Variants in SLC9C1 observed in about 807,000 individuals in gnomAD.
SLC9C1 encodes the protein sodium/hydrogen exchanger 10.
Under a neutral mutation model 140.9 loss-of-function variants are expected in SLC9C1, and 97 were observed. The ratio of observed to expected loss-of-function variants is 0.69; its 90% CI spans 0.58 to 0.82. The LOEUF (loss-of-function observed/expected upper bound fraction) is 0.82, where lower values mean the gene tolerates loss of function less well. Ranked by LOEUF, SLC9C1 falls within the 40% of genes least tolerant of loss-of-function variation. SLC9C1 has a pLI of 0.00. For synonymous variants in SLC9C1, 440 were observed against 442.6 expected (o/e 0.99, Z 0.07); for missense variants, 1,340 against 1,389.3 (o/e 0.96, Z 0.56).
intron 26 of SLC9C1, among the ~76,000 whole-genome samples, chr3:112,161,483 A>G (rs905409936): frequency 2.0e-5 from 3 of 152,142 alleles, no homozygotes; most frequent in Non-Finnish European, 4.4e-5. Flanking sequence ...TCAGCTTTCT[A>G]CATATGGCTA....
At position 112,197,431 on chromosome 3, in the gene SLC9C1, G is replaced by A. The variant is rs192621710; in HGVS notation, c.2523+1890C>T. ...TCAGAGTACAGATGCAAGATATTTA[G>A]AGAACAGGGTCTTTTATTGCCAATC... On this transcript the variant is annotated intron_variant, in intron 20 of 28. Coordinates refer to ENST00000305815, the MANE Select transcript of SLC9C1 (RefSeq NM_183061.3). Among the ~76,000 whole-genome samples, 577 of 152,250 alleles carry A rather than the reference G, an allele frequency of 3.8e-3. 1 individual carries two copies. Among genetic ancestry groups the A allele is most frequent in the Non-Finnish European group, 5.6e-3 (382 of 68,014 alleles).
At chr3:112,154,026 T>C (rs952413621) in intron 27 of SLC9C1, among the ~76,000 whole-genome samples, 2 of 152,208 alleles carry the variant, frequency 1.3e-5, no homozygotes, top group African/African-American at 4.8e-5. Context: ...CTTCAACTTA[T>C]CACAGAACTT....
intron 1 of SLC9C1, among the ~76,000 whole-genome samples, chr3:112,287,450 T>C (rs58720286): frequency 0.02 from 2,986 of 152,298 alleles, 122 homozygotes; most frequent in African/African-American, 0.068. Flanking sequence ...TATATGTGTA[T>C]ATAGCAACCA....
chr3:112,167,506 A>G (rs1398852196), intron 25 of SLC9C1, among the ~76,000 whole-genome samples, 159 bp from the exon 26 acceptor site: 1 of 152,086 alleles, frequency 6.6e-6, no homozygotes, highest in Admixed American at 6.6e-5. Context: ...AAATACTTGG[A>G]TATATTGGTT....
intron 28 of SLC9C1, among the ~76,000 whole-genome samples, chr3:112,144,566 T>G (rs1349411177): frequency 2.0e-5 from 3 of 152,232 alleles, no homozygotes; most frequent in East Asian, 3.8e-4. Context: ...ATATTGATTC[T>G]TCTAATCCAC....
At position 112,156,580 on chromosome 3, in the gene SLC9C1, A is replaced by AT. The variant is rs1342281983; in HGVS notation, c.3365-1532dup. The stretch of plus-strand genomic sequence containing the variant: ...CATATGGTAATTCTCGTTTTAGTTT[A>AT]TTTTTTTTTAAAGAAACACTGTACA... On this transcript the variant is annotated intron_variant, in intron 26 of 28. Coordinates refer to ENST00000305815, the MANE Select transcript of SLC9C1 (RefSeq NM_183061.3). Among the ~76,000 whole-genome samples, 31 of 151,092 alleles carry AT rather than the reference A, an allele frequency of 2.1e-4. 1 individual carries two copies. The highest frequency in any genetic ancestry group is 1.7e-3 in the South Asian group (8 of 4,764).
intron 23 of SLC9C1, among the ~76,000 whole-genome samples, chr3:112,177,351 T>C (rs1026208278): frequency 2.6e-5 from 4 of 151,964 alleles, no homozygotes; most frequent in African/African-American, 7.2e-5. Context: ...CTGGTAAATC[T>C]AGTTGTGTCT....
chr3:112,214,693 G>T (rs1010382948), intron 15 of SLC9C1, among the ~76,000 whole-genome samples: 1 of 152,134 alleles, frequency 6.6e-6, no homozygotes, highest in Admixed American at 6.5e-5. Flanking sequence ...CCAATAACAG[G>T]CTCTGAAATT....
chr3:112,265,610 A>C (rs2079897482), intron 8 of SLC9C1, among the ~76,000 whole-genome samples: 1 of 152,116 alleles, frequency 6.6e-6, no homozygotes, highest in Non-Finnish European at 1.5e-5. Flanking sequence ...TTTCCACCCT[A>C]TGTATTGAAG....
At chr3:112,181,071 T>A (rs1037332889) in intron 21 of SLC9C1, among the ~76,000 whole-genome samples, 5 of 152,220 alleles carry the variant, frequency 3.3e-5, no homozygotes, top group Non-Finnish European at 5.9e-5. Flanking sequence ...TTTGCATTTT[T>A]AAAAAAAGTT....
At chr3:112,152,839 A>G (rs1244142014) in intron 27 of SLC9C1, among the ~76,000 whole-genome samples, 1 of 152,326 alleles carries the variant, frequency 6.6e-6, no homozygotes, top group East Asian at 1.9e-4. Context: ...GAGTCAATAC[A>G]GCACGTGTTT....
At chr3:112,246,172 C>T (rs539971511) in intron 10 of SLC9C1, among the ~76,000 whole-genome samples, 86 of 152,150 alleles carry the variant, frequency 5.7e-4, no homozygotes, top group Admixed American at 1.0e-3. Context: ...CCTCACATGA[C>T]ATCAAGAGTG....
At chr3:112,239,235 G>T (rs1445608058) in intron 12 of SLC9C1, among the ~76,000 whole-genome samples, 1 of 152,208 alleles carries the variant, frequency 6.6e-6, no homozygotes, top group Non-Finnish European at 1.5e-5. Context: ...TAGCTCCGTG[G>T]GTGTGGGACC....
At chr3:112,154,154 T>G (rs1233052006) in intron 27 of SLC9C1, among the ~76,000 whole-genome samples, 3 of 152,246 alleles carry the variant, frequency 2.0e-5, no homozygotes, top group Non-Finnish European at 4.4e-5. Context: ...ATGTAAAATA[T>G]GTATTTAACA....
chr3:112,264,843 G>C (rs2079875045), intron 8 of SLC9C1, among the ~76,000 whole-genome samples: 1 of 152,034 alleles, frequency 6.6e-6, no homozygotes, highest in Admixed American at 6.6e-5. Flanking sequence ...GTAGTTACTT[G>C]TACAACTGTG....
chr3:112,281,076 G>T (rs939478798), intron 2 of SLC9C1, among the ~76,000 whole-genome samples: 3 of 152,022 alleles, frequency 2.0e-5, no homozygotes, highest in South Asian at 2.1e-4. Context: ...TAGTAGTTTT[G>T]TACACATTAT....
At chr3:112,194,739 T>A (rs556007286) in intron 20 of SLC9C1, among the ~76,000 whole-genome samples, 1 of 152,188 alleles carries the variant, frequency 6.6e-6, no homozygotes, top group Non-Finnish European at 1.5e-5. Context: ...ATCATTTTAC[T>A]TTTCCAACAA....
At chr3:112,293,112 CA>C (rs58937356) in intron 1 of SLC9C1, among the ~76,000 whole-genome samples, 48,341 of 128,570 alleles carry the variant, frequency 0.38, 8,628 homozygotes, top group East Asian at 0.56. Context: ...ACTAAAAATA[CA>C]AAAAAAAAAA....
At chr3:112,189,461 TC>T (rs1340229861) in intron 20 of SLC9C1, among the ~76,000 whole-genome samples, 1 of 152,238 alleles carries the variant, frequency 6.6e-6, no homozygotes. Flanking sequence ...CAGCCAGTTT[TC>T]CCAGCACCAT....
Sources: gnomAD v4.1 joint callset for allele counts (sites outside exome capture counted in the v4.1 genomes callset) on GRCh38, gnomAD v4.1.1 for gene constraint, MANE v1.5 for transcripts, NCBI Gene and HGNC (gene_info 2026-07-23, HGNC 2026-07-21) for gene names.